ANKRD28: variants seen among roughly 807,000 people sequenced by gnomAD.
ANKRD28 encodes serine/threonine-protein phosphatase 6 regulatory ankyrin repeat subunit A.
ANKRD28 carries 44 observed loss-of-function variants against 126.5 expected under a neutral mutation model. The observed-to-expected ratio is 0.35, with a 90% CI of 0.27 to 0.45. ANKRD28 has a LOEUF of 0.45. Ranked by LOEUF, ANKRD28 falls within the 20% of genes least tolerant of loss-of-function variation. The pLI is 1.00. For synonymous variants in ANKRD28, 442 were observed against 468.5 expected (o/e 0.94, Z 0.73); for missense variants, 1,110 against 1,316.6 (o/e 0.84, Z 2.43).
rs529965192 is a variant in ANKRD28, at chr3:15,703,262, A to G, written c.1547+4662T>C. Among the ~76,000 whole-genome samples, 334 of 152,376 alleles carry G rather than the reference A, an allele frequency of 2.2e-3. 1 individual carries two copies. The highest frequency in any genetic ancestry group is 3.1e-3 in the Non-Finnish European group (209 of 68,028). ...AAACTGCATGATCCCATTTTTATGAAGTTTGAAAACAGACAAAAATAAACT... is the reference window on the plus strand; with the variant it reads ...AAACTGCATGATCCCATTTTTATGAGGTTTGAAAACAGACAAAAATAAACT... On this transcript the variant is annotated intron_variant, in intron 14 of 27. Transcript: ENST00000683139.
intron 2 of ANKRD28, among the ~76,000 whole-genome samples, chr3:15,784,101 T>C (rs1380255704): frequency 6.6e-6 from 1 of 151,852 alleles, no homozygotes; most frequent in African/African-American, 2.4e-5. Context: ...AAGTAAAGAA[T>C]AAATACTTTC....
exon 1 of ANKRD28, chr3:15,859,470 GC>G: frequency 7.2e-7 from 1 of 1,379,410 alleles, no homozygotes; most frequent in Non-Finnish European, 9.7e-7. Flanking sequence ...CCGCCGACCG[GC>G]CCACTGCTCC....
At chr3:15,672,338 C>T (rs1271319994) in intron 27 of ANKRD28, among the ~76,000 whole-genome samples, 1 of 152,038 alleles carries the variant, frequency 6.6e-6, no homozygotes, top group Non-Finnish European at 1.5e-5. Flanking sequence ...TACAGGGTCT[C>T]GCTTTGTTCC....
At chr3:15,775,277 TA>T (rs1002622515) in intron 2 of ANKRD28, among the ~76,000 whole-genome samples, 1 of 152,196 alleles carries the variant, frequency 6.6e-6, no homozygotes, top group African/African-American at 2.4e-5. Flanking sequence ...CAAGCTAAAA[TA>T]ACAACATACA....
intron 1 of ANKRD28, among the ~76,000 whole-genome samples, chr3:15,852,832 CAAAAAAAAAAAAAAA>C (rs71064237): frequency 1.6e-5 from 1 of 64,012 alleles, no homozygotes; most frequent in African/African-American, 6.3e-5. Flanking sequence ...GACTCTGTCT[CAAAAAAAAAAAAAAA>C]AAAAAAAAAG....
At position 15,673,661 on chromosome 3, in the gene ANKRD28, T is replaced by C. The variant is rs746100071; in HGVS notation, c.2965+2237A>G. 5.2e-4 allele frequency among the ~76,000 whole-genome samples: 79 copies of C among 152,238 alleles called. 1 individual carries two copies. Among genetic ancestry groups the C allele is most frequent in the Admixed American group, 3.3e-4 (5 of 15,290 alleles). Reference sequence around the variant, plus strand: ...TAAAGAATAGTTAGAATATGCTTCATTGAGAAGATGAAACTGGAGCTAAGA... The same window carrying C: ...TAAAGAATAGTTAGAATATGCTTCACTGAGAAGATGAAACTGGAGCTAAGA... On this transcript the variant is annotated intron_variant, in intron 27 of 27. Coordinates refer to ENST00000683139, the MANE Select transcript of ANKRD28 (RefSeq NM_001349278.2).
Position 15,853,988 on chromosome 3 carries a change from C to T in ANKRD28, c.27+5389G>A, listed in dbSNP as rs1171045184. 6.6e-6 allele frequency among the ~76,000 whole-genome samples: 1 copy of T among 152,112 alleles called. No homozygotes were observed. The highest frequency in any genetic ancestry group is 1.5e-5 in the Non-Finnish European group (1 of 68,028). The stretch of plus-strand genomic sequence containing the variant: ...TCTCGATCTGTACTAAAATATTTTA[C>T]GTATGTTCTGATTTACAGCAGTAGC... On this transcript the variant is annotated intron_variant, in intron 1 of 27. Coordinates refer to the ANKRD28 transcript ENST00000399451. The surrounding 1 kb of genome is among the most constrained non-coding windows in gnomAD (Gnocchi z 4.2).
intron 3 of ANKRD28, among the ~76,000 whole-genome samples, chr3:15,761,673 C>T (rs1313921913): frequency 6.6e-6 from 1 of 152,138 alleles, no homozygotes; most frequent in Non-Finnish European, 1.5e-5. Flanking sequence ...TTTTACTACC[C>T]TGCTATTCTG....
chr3:15,689,524 TG>T (rs1390934376), intron 18 of ANKRD28, among the ~76,000 whole-genome samples: 4 of 152,174 alleles, frequency 2.6e-5, no homozygotes, highest in Non-Finnish European at 5.9e-5. Context: ...GGGAGCTACT[TG>T]GGGGCACTTA....
chr3:15,760,360 T>C (rs1191720961), intron 3 of ANKRD28, among the ~76,000 whole-genome samples: 1 of 152,192 alleles, frequency 6.6e-6, no homozygotes, highest in African/African-American at 2.4e-5. Flanking sequence ...TAAGTTTACC[T>C]ATATAACACA....
At chr3:15,734,827 T>C (rs1338967025) in intron 6 of ANKRD28, among the ~76,000 whole-genome samples, 1 of 152,232 alleles carries the variant, frequency 6.6e-6, no homozygotes, top group East Asian at 1.9e-4. Flanking sequence ...AGTGCTGTGG[T>C]CACACGGTTG....
At chr3:15,688,860 T>C (rs1174387209) in intron 18 of ANKRD28, among the ~76,000 whole-genome samples, 1 of 152,238 alleles carries the variant, frequency 6.6e-6, no homozygotes, top group East Asian at 1.9e-4. Flanking sequence ...AAGTGCTCTG[T>C]AAAGCCTGTC....
chr3:15,842,513 T>G (rs1443820709), intron 1 of ANKRD28, among the ~76,000 whole-genome samples: 1 of 152,018 alleles, frequency 6.6e-6, no homozygotes, highest in Non-Finnish European at 1.5e-5. Context: ...GACCTAGCAT[T>G]TGGCAGCACA....
chr3:15,774,253 T>TA (rs2125630031), intron 2 of ANKRD28, among the ~76,000 whole-genome samples: 1 of 152,302 alleles, frequency 6.6e-6, no homozygotes, highest in East Asian at 1.9e-4. Context: ...TCCATGAAGT[T>TA]AATGAATTAA....
Position 15,817,919 on chromosome 3 carries a change from T to C in ANKRD28, c.28-22613A>G, listed in dbSNP as rs2060865597. Among the ~76,000 whole-genome samples the C allele has an allele frequency of 6.6e-6, 1 of 152,184 alleles. No individual in the cohort carries two copies. The highest frequency in any genetic ancestry group is 6.5e-5 in the Admixed American group (1 of 15,272). The stretch of plus-strand genomic sequence containing the variant: ...AAAAAATGCCTAGAATTAATAAGTT[T>C]AGCAAAGTCATAGATTACCATTGCT... On this transcript the variant is annotated intron_variant, in intron 1 of 27. Transcript: ENST00000399451. The surrounding 1 kb of genome is among the most constrained non-coding windows in gnomAD (Gnocchi z 4.5).
At chr3:15,835,652 G>A (rs1378117047) in intron 1 of ANKRD28, among the ~76,000 whole-genome samples, 3 of 152,158 alleles carry the variant, frequency 2.0e-5, no homozygotes, top group Non-Finnish European at 2.9e-5. Flanking sequence ...AGAAATTGAC[G>A]TCTACATAAC....
intron 4 of ANKRD28, among the ~76,000 whole-genome samples, chr3:15,748,869 T>C (rs914993280): frequency 5.9e-5 from 9 of 152,142 alleles, no homozygotes; most frequent in Admixed American, 5.9e-4. Context: ...CCAAACTTCT[T>C]GGAGACTTCG....
intron 4 of ANKRD28, among the ~76,000 whole-genome samples, chr3:15,743,545 A>AACACACACACACACACAC (rs4036221): frequency 7.1e-6 from 1 of 140,372 alleles, no homozygotes. Context: ...GTGGCTTTTT[A>AACACACACACACACACAC]ACACACACAC....
intron 1 of ANKRD28, among the ~76,000 whole-genome samples, chr3:15,855,048 A>AAAAAAC (rs913933895): frequency 2.6e-5 from 4 of 152,160 alleles, no homozygotes; most frequent in Non-Finnish European, 5.9e-5. Context: ...ACTCCGTCTC[A>AAAAAAC]AAAAACAAAA....
Sources: gnomAD v4.1 joint callset for allele counts (sites outside exome capture counted in the v4.1 genomes callset) on GRCh38, gnomAD v4.1.1 for gene constraint, Gnocchi (gnomAD v3.1) non-coding constraint, MANE v1.5 for transcripts, NCBI Gene and HGNC (gene_info 2026-07-23, HGNC 2026-07-21) for gene names.